ANKS1B: variants seen among roughly 807,000 people sequenced by gnomAD.
ANKS1B encodes ankyrin repeat and sterile alpha motif domain containing 1B.
A neutral mutation model predicts 148.3 loss-of-function variants in ANKS1B; 36 were observed. The ratio of observed to expected loss-of-function variants is 0.24; its 90% CI spans 0.19 to 0.32. ANKS1B has a LOEUF of 0.32. ANKS1B is among the 10% of genes least tolerant of loss of function. The pLI is 1.00. For synonymous variants in ANKS1B, 542 were observed against 560.8 expected (o/e 0.97, Z 0.47); for missense variants, 1,157 against 1,542.6 (o/e 0.75, Z 4.19).
intron 19 of ANKS1B, among the ~76,000 whole-genome samples, chr12:98,812,449 C>T (rs140904464): frequency 2.2e-3 from 329 of 152,280 alleles, no homozygotes; most frequent in African/African-American, 7.4e-3. Context: ...AATCACCTAA[C>T]GATGCATTTC....
intron 11 of ANKS1B, among the ~76,000 whole-genome samples, chr12:99,440,635 CTTAG>C (rs2095534931): frequency 6.6e-6 from 1 of 151,766 alleles, no homozygotes; most frequent in African/African-American, 2.4e-5. Flanking sequence ...ACAGCTGTGA[CTTAG>C]TTAATGCATA....
intron 9 of ANKS1B, among the ~76,000 whole-genome samples, chr12:99,511,861 T>C (rs1269612012): frequency 6.6e-6 from 1 of 152,028 alleles, no homozygotes; most frequent in Non-Finnish European, 1.5e-5. Context: ...ACTAGCCATA[T>C]GCAGGAAATT....
At chr12:99,984,013 C>A in intron 1 of ANKS1B, 91 bp downstream of exon 1, 1 of 1,155,510 alleles carries the variant, frequency 8.7e-7, no homozygotes, top group Non-Finnish European at 1.2e-6. Flanking sequence ...CGCTGGCAGC[C>A]ACCAGGTGCA....
At chr12:99,773,344 T>C (rs979317513) in intron 7 of ANKS1B, among the ~76,000 whole-genome samples, 1 of 152,142 alleles carries the variant, frequency 6.6e-6, no homozygotes, top group Non-Finnish European at 1.5e-5. Flanking sequence ...GTATACATAG[T>C]ACATAAAAGC....
chr12:99,805,441 G>C (rs1352448947), intron 4 of ANKS1B, among the ~76,000 whole-genome samples: 1 of 151,688 alleles, frequency 6.6e-6, no homozygotes, highest in African/African-American at 2.4e-5. Flanking sequence ...CTGAGCAACA[G>C]AGCAAGACCT....
At chr12:99,039,051 G>C (rs1430839177) in intron 17 of ANKS1B, among the ~76,000 whole-genome samples, 2 of 152,210 alleles carry the variant, frequency 1.3e-5, no homozygotes, top group Non-Finnish European at 2.9e-5. Flanking sequence ...CATTTCTAGA[G>C]ACTAGAACAG....
intron 9 of ANKS1B, among the ~76,000 whole-genome samples, chr12:99,536,830 G>A (rs768962849): frequency 6.6e-6 from 1 of 152,050 alleles, no homozygotes; most frequent in Non-Finnish European, 1.5e-5. Context: ...TCACCCTGTT[G>A]TGCTATCAAA....
At chr12:99,783,701 A>T (rs550130026) in intron 4 of ANKS1B, among the ~76,000 whole-genome samples, 92 of 152,264 alleles carry the variant, frequency 6.0e-4, no homozygotes, top group Middle Eastern at 3.4e-3. Context: ...GTAGAGAGTA[A>T]CATTATGGTT....
chr12:99,407,088 C>T lies in ANKS1B; in HGVS notation c.1576-7277G>A, dbSNP rs954041802. Among the ~76,000 whole-genome samples the T allele has an allele frequency of 1.0e-4, 15 of 145,694 alleles. 2 individuals carry two copies. Among genetic ancestry groups the T allele is most frequent in the South Asian group, 4.2e-4 (2 of 4,752 alleles). Reference sequence around the variant, plus strand: ...AAGACACATCAAAAACAGAAAACTACGGGCCAATATTCCTGATGCATGTTG... The same window carrying T: ...AAGACACATCAAAAACAGAAAACTATGGGCCAATATTCCTGATGCATGTTG... On this transcript the variant is annotated intron_variant, in intron 11 of 26. Transcript: ENST00000683438.
intron 2 of ANKS1B, 51 bp downstream of exon 2, chr12:99,825,258 C>T (rs555785937): frequency 6.9e-7 from 1 of 1,456,512 alleles, no homozygotes; most frequent in Non-Finnish European, 9.5e-7. Flanking sequence ...TAATTAACTT[C>T]ATCACATGTA....
rs1156455606 is a variant in ANKS1B, at chr12:98,945,519, A to C, written c.2778+107638T>G. On this transcript the variant is annotated intron_variant, in intron 17 of 26. Transcript: ENST00000683438. ...CAACAAACAAACAAAAAAAAAAAAA[A>C]AAAAAAAAAAAAAAAGGGAGAGAGA... 1.6e-3 allele frequency among the ~76,000 whole-genome samples: 238 copies of C among 150,910 alleles called. 2 individuals are homozygous for C. The highest frequency in any genetic ancestry group is 5.7e-3 in the East Asian group (29 of 5,130).
chr12:99,635,729 ATAGT>A (rs1010267077), intron 9 of ANKS1B, among the ~76,000 whole-genome samples: 4 of 152,242 alleles, frequency 2.6e-5, no homozygotes, highest in African/African-American at 4.8e-5. Flanking sequence ...CACTTTAAAA[ATAGT>A]TAATATGGAA....
At chr12:99,168,718 A>C (rs1414262658) in intron 14 of ANKS1B, among the ~76,000 whole-genome samples, 1 of 152,036 alleles carries the variant, frequency 6.6e-6, no homozygotes, top group Non-Finnish European at 1.5e-5. Context: ...GGGAACAGTA[A>C]ATTTGAGGAC....
intron 16 of ANKS1B, among the ~76,000 whole-genome samples, chr12:99,077,017 T>G (rs548617398): frequency 6.6e-6 from 1 of 152,128 alleles, no homozygotes; most frequent in African/African-American, 2.4e-5. Context: ...TGAGCATATC[T>G]GTTTTGCACC....
chr12:98,744,909 T>G lies in ANKS1B; in HGVS notation c.*830A>C. The stretch of plus-strand genomic sequence containing the variant: ...CTCCTGCTCTAGGGAGCATCACCAG[T>G]ATTTTGCCACCACTGAGCCAGTCCT... On this transcript the variant is annotated 3_prime_UTR_variant, in exon 27 of 27. Transcript: ENST00000683438. The G allele has an allele frequency of 1.0e-6, 1 of 985,754 alleles. No individual in the cohort carries two copies. The highest frequency in any genetic ancestry group is 1.2e-6 in the Non-Finnish European group (1 of 829,920). The allele number at this position is 985,754 out of a possible 1,614,324, so 61.1% of individuals were successfully genotyped here.
At chr12:98,990,962 C>T (rs1284088602) in intron 17 of ANKS1B, among the ~76,000 whole-genome samples, 1 of 152,130 alleles carries the variant, frequency 6.6e-6, no homozygotes, top group African/African-American at 2.4e-5. Flanking sequence ...CAGATCTGCA[C>T]CTGAACCGAG....
rs921612148 is a variant in ANKS1B, at chr12:98,981,074, G to A, written c.2778+72083C>T. 2.0e-5 allele frequency among the ~76,000 whole-genome samples: 3 copies of A among 151,820 alleles called. No homozygotes were observed. In the East Asian group the frequency reaches 5.8e-4, roughly 30 times the overall value. On this transcript the variant is annotated intron_variant, in intron 17 of 26. Transcript: ENST00000683438. ...TAATCCCAGCACTTTGGGAGGCTGA[G>A]GAGGGAGGACTGCTTGAGCTCAGGA...
intron 9 of ANKS1B, among the ~76,000 whole-genome samples, chr12:99,580,805 GGATTT>G (rs1273034922): frequency 1.3e-5 from 2 of 152,106 alleles, no homozygotes; most frequent in Non-Finnish European, 2.9e-5. Context: ...CCAGTTAACT[GGATTT>G]GATAATTACC....
chr12:99,934,203 G>A (rs1395879909), intron 1 of ANKS1B, among the ~76,000 whole-genome samples: 1 of 152,222 alleles, frequency 6.6e-6, no homozygotes, highest in East Asian at 1.9e-4. Context: ...CTGCATCAAT[G>A]TTCATCAGTA....
Sources: gnomAD v4.1 joint callset for allele counts (sites outside exome capture counted in the v4.1 genomes callset) on GRCh38, gnomAD v4.1.1 for gene constraint, MANE v1.5 for transcripts, NCBI Gene and HGNC (gene_info 2026-07-23, HGNC 2026-07-21) for gene names.